Variants in EPB41L4A observed in about 807,000 individuals in gnomAD.
The protein encoded by EPB41L4A is erythrocyte membrane protein band 4.1 like 4A.
A neutral mutation model predicts 108.6 loss-of-function variants in EPB41L4A; 100 were observed. That is an observed-to-expected ratio of 0.92 (90% confidence interval 0.78 to 1.09). The LOEUF (loss-of-function observed/expected upper bound fraction) is 1.09. Ranked by LOEUF, EPB41L4A falls within the 50% of genes least tolerant of loss-of-function variation. The pLI, the probability that EPB41L4A is intolerant of heterozygous loss-of-function variation, is 0.00. For synonymous variants in EPB41L4A, 319 were observed against 289.0 expected, an observed-to-expected ratio of 1.10 and a Z score of -1.05; for missense variants, 1,030 against 842.7, an observed-to-expected ratio of 1.22 and a Z score of -2.75.
chr5:112,164,847 AAG>A lies in EPB41L4A; in HGVS notation c.*141_*142del. The A allele has an allele frequency of 2.7e-5, 26 of 971,782 alleles. No homozygotes were observed. The highest frequency in any genetic ancestry group is 1.2e-4 in the Admixed American group (4 of 33,856). 60.2% of individuals were successfully genotyped at this position (971,782 alleles called of 1,614,324 possible). On this transcript the variant is annotated 3_prime_UTR_variant, in exon 23 of 23. Coordinates refer to ENST00000261486, the MANE Select transcript of EPB41L4A (RefSeq NM_022140.5). ...ATAACATCTCAAAAAAAAAAAAAAA[AAG>A]AAGCAAAAGATAATGTATTTTCTCA...
chr5:112,393,205 T>C (rs1356930239), intron 1 of EPB41L4A, among the ~76,000 whole-genome samples: 2 of 151,658 alleles, frequency 1.3e-5, no homozygotes, highest in Non-Finnish European at 2.9e-5. Flanking sequence ...GCAAACACAT[T>C]CAAAAGCTAG....
intron 12 of EPB41L4A, among the ~76,000 whole-genome samples, chr5:112,211,890 T>G (rs1421909721): frequency 6.6e-6 from 1 of 152,122 alleles, no homozygotes; most frequent in African/African-American, 2.4e-5. Context: ...AATCTTGAAA[T>G]GAAAAGGTGA....
At chr5:112,194,290 A>C (rs1375457575) in intron 17 of EPB41L4A, among the ~76,000 whole-genome samples, 1 of 152,166 alleles carries the variant, frequency 6.6e-6, no homozygotes, top group Non-Finnish European at 1.5e-5. Context: ...AGAGAAATTC[A>C]CTACACATTG....
intron 10 of EPB41L4A, 44 bp from the exon 11 acceptor site, chr5:112,239,781 T>G: frequency 7.1e-7 from 1 of 1,406,248 alleles, no homozygotes; most frequent in Non-Finnish European, 9.9e-7. Flanking sequence ...CTCAATGTTA[T>G]AGGCATTCTG....
chr5:112,252,197 C>T (rs1369269903), intron 9 of EPB41L4A, among the ~76,000 whole-genome samples: 2 of 152,088 alleles, frequency 1.3e-5, no homozygotes, highest in Non-Finnish European at 2.9e-5. Flanking sequence ...AGCTATGTAT[C>T]AATATGTGTA....
intron 11 of EPB41L4A, 73 bp downstream of exon 11, chr5:112,239,587 C>T: frequency 1.1e-6 from 1 of 869,646 alleles, no homozygotes; most frequent in Non-Finnish European, 1.7e-6. Context: ...AATAACTTCA[C>T]TGAGCATGTA....
At chr5:112,244,053 C>T (rs1750019447) in intron 9 of EPB41L4A, among the ~76,000 whole-genome samples, 1 of 152,202 alleles carries the variant, frequency 6.6e-6, no homozygotes, top group African/African-American at 2.4e-5. Flanking sequence ...AAGATGACTT[C>T]CTCACTAAGC....
intron 12 of EPB41L4A, among the ~76,000 whole-genome samples, chr5:112,214,659 G>C (rs555806552): frequency 2.0e-5 from 3 of 152,206 alleles, no homozygotes; most frequent in Admixed American, 2.0e-4. Flanking sequence ...CCAGCTACTC[G>C]GGAGGCTGAG....
chr5:112,348,321 C>T (rs1303099557), intron 1 of EPB41L4A, among the ~76,000 whole-genome samples: 1 of 152,194 alleles, frequency 6.6e-6, no homozygotes, highest in Non-Finnish European at 1.5e-5. Flanking sequence ...TCCTAGTAGC[C>T]TATAAACCTC....
At chr5:112,155,094 T>C (rs1036241158) in intron 12 of EPB41L4A, among the ~76,000 whole-genome samples, 1 of 152,106 alleles carries the variant, frequency 6.6e-6, no homozygotes, top group African/African-American at 2.4e-5. Flanking sequence ...CTAGACTTAA[T>C]CTTAAAAGTG....
At chr5:112,299,773 A>G (rs190272685) in intron 2 of EPB41L4A, among the ~76,000 whole-genome samples, 30 of 152,286 alleles carry the variant, frequency 2.0e-4, no homozygotes, top group African/African-American at 6.5e-4. Context: ...GTCCCCCACT[A>G]TTACTGTGTT....
intron 17 of EPB41L4A, among the ~76,000 whole-genome samples, chr5:112,188,011 A>G (rs1026803852): frequency 1.3e-5 from 2 of 152,158 alleles, no homozygotes; most frequent in African/African-American, 4.8e-5. Flanking sequence ...TTAAAACTTG[A>G]TGTTTCTCTA....
intron 18 of EPB41L4A, chr5:112,173,487 T>A (rs1047032849): frequency 6.6e-6 from 1 of 152,250 alleles, no homozygotes; most frequent in East Asian, 1.9e-4. Flanking sequence ...CTTTTCTATA[T>A]TTTCTGATCT....
At chr5:112,262,000 T>C (rs1024955055) in intron 7 of EPB41L4A, among the ~76,000 whole-genome samples, 2 of 150,992 alleles carry the variant, frequency 1.3e-5, no homozygotes, top group Non-Finnish European at 2.9e-5. Flanking sequence ...CAAGCCATTC[T>C]CCTGTCTCAG....
At chr5:112,281,418 C>T (rs1752957319) in intron 2 of EPB41L4A, among the ~76,000 whole-genome samples, 1 of 152,164 alleles carries the variant, frequency 6.6e-6, no homozygotes, top group Admixed American at 6.5e-5. Context: ...GGGCAGAAGC[C>T]AAGGAAGCAC....
At chr5:112,410,130 AAGG>A (rs1762324665) in intron 1 of EPB41L4A, among the ~76,000 whole-genome samples, 3 of 152,112 alleles carry the variant, frequency 2.0e-5, no homozygotes, top group African/African-American at 7.2e-5. Context: ...ACTCAAACAA[AAGG>A]AGGTGGGTGG....
chr5:112,352,365 A>G (rs568963525), intron 1 of EPB41L4A, among the ~76,000 whole-genome samples: 179 of 152,342 alleles, frequency 1.2e-3, no homozygotes, highest in African/African-American at 3.7e-3. Flanking sequence ...CACTGACCCA[A>G]TGGTCACTCA....
At chr5:112,148,641 C>T (rs1462212741) in intron 12 of EPB41L4A, among the ~76,000 whole-genome samples, 1 of 152,080 alleles carries the variant, frequency 6.6e-6, no homozygotes, top group Non-Finnish European at 1.5e-5. Flanking sequence ...TTCTTGCCAC[C>T]TCTGAGAAAC....
intron 4 of EPB41L4A, among the ~76,000 whole-genome samples, chr5:112,274,518 G>T (rs1220815979): frequency 1.3e-5 from 2 of 152,070 alleles, no homozygotes; most frequent in Non-Finnish European, 2.9e-5. Flanking sequence ...TGAAAGCATG[G>T]AATAGAAACA....
Sources: gnomAD v4.1 joint callset for allele counts (sites outside exome capture counted in the v4.1 genomes callset) on GRCh38, gnomAD v4.1.1 for gene constraint, MANE v1.5 for transcripts, NCBI Gene and HGNC (gene_info 2026-07-23, HGNC 2026-07-21) for gene names.